Variants in LRMDA observed in about 807,000 individuals in gnomAD.
LRMDA encodes leucine rich melanocyte differentiation associated, also known as leucine-rich melanocyte differentiation-associated protein.
Under a neutral mutation model 29.8 loss-of-function variants are expected in LRMDA, and 18 were observed. That is an observed-to-expected ratio of 0.60 (90% CI 0.42 to 0.90). The LOEUF (loss-of-function observed/expected upper bound fraction) is 0.90. LRMDA is among the 40% of genes least tolerant of loss of function. The pLI is 0.00. For missense variants in LRMDA, 273 were observed against 273.9 expected, an observed-to-expected ratio of 1.00 and a Z score of 0.02; for synonymous variants, 125 against 109.4, an observed-to-expected ratio of 1.14 and a Z score of -0.89.
At chr10:75,694,753 GA>G (rs990282084) in intron 2 of LRMDA, among the ~76,000 whole-genome samples, 2 of 152,122 alleles carry the variant, frequency 1.3e-5, no homozygotes, top group Non-Finnish European at 2.9e-5. Context: ...GCTGTATATG[GA>G]GGGTAGTGAC....
rs1435511278 is a variant in LRMDA at position 76,498,700 on chromosome 10, A to G, written c.602-58509A>G. On this transcript the variant is annotated intron_variant, in intron 6 of 6. Coordinates refer to ENST00000611255, the MANE Select transcript of LRMDA (RefSeq NM_001305581.2). ...GTGCAAAAATAAAAATTGGTTGTTT[A>G]GTAAGTAGAAAGATAAATCAAAACC... Among the ~76,000 whole-genome samples, 6 of 76,562 alleles carry G rather than the reference A, an allele frequency of 7.8e-5. 3 individuals are homozygous for G. The highest frequency in any genetic ancestry group is 2.6e-4 in the Non-Finnish European group (6 of 22,938). 50.2% of individuals were successfully genotyped at this position (76,562 alleles called of 152,430 possible).
Position 75,677,065 on chromosome 10 carries a change from A to G in LRMDA, c.131+238571A>G, listed in dbSNP as rs527928686. ...CTCAGATTTATGAGGAACACCAAAA[A>G]AAGTGCTATCTCTGGACTGCATTGC... On this transcript the variant is annotated intron_variant, in intron 2 of 6. Coordinates refer to ENST00000611255, the MANE Select transcript of LRMDA (RefSeq NM_001305581.2). Among the ~76,000 whole-genome samples, 5 of 152,364 alleles carry G rather than the reference A, an allele frequency of 3.3e-5. No homozygotes were observed. The South Asian group carries it at 1.0e-3, about 32-fold the overall frequency.
chr10:76,070,257 G>GA (rs1317631719), intron 5 of LRMDA, among the ~76,000 whole-genome samples: 6 of 152,208 alleles, frequency 3.9e-5, no homozygotes, highest in Admixed American at 2.6e-4. Flanking sequence ...TTTGGCTTGA[G>GA]ATGCTGGGGG....
intron 6 of LRMDA, among the ~76,000 whole-genome samples, chr10:76,423,676 A>G (rs1186834810): frequency 6.6e-6 from 1 of 152,196 alleles, no homozygotes; most frequent in African/African-American, 2.4e-5. Context: ...AGCTGCTGCT[A>G]TTGCTGCTGT....
intron 2 of LRMDA, among the ~76,000 whole-genome samples, chr10:75,618,680 C>T (rs1312574046): frequency 6.7e-6 from 1 of 149,428 alleles, no homozygotes; most frequent in Non-Finnish European, 1.5e-5. Context: ...AGTAGATTAA[C>T]ATATATTTTG....
At chr10:75,858,130 G>A (rs1051428106) in intron 2 of LRMDA, among the ~76,000 whole-genome samples, 1 of 152,132 alleles carries the variant, frequency 6.6e-6, no homozygotes, top group Admixed American at 6.5e-5. Flanking sequence ...GCCTAGGTGG[G>A]GCACAGATTC....
At chr10:75,984,162 T>G (rs1296893732) in intron 2 of LRMDA, among the ~76,000 whole-genome samples, 1 of 152,202 alleles carries the variant, frequency 6.6e-6, no homozygotes, top group Non-Finnish European at 1.5e-5. Flanking sequence ...CCTGGGTTCT[T>G]GCTGAGCTAA....
intron 6 of LRMDA, among the ~76,000 whole-genome samples, chr10:76,446,059 C>T (rs772232701): frequency 6.6e-6 from 1 of 152,060 alleles, no homozygotes; most frequent in African/African-American, 2.4e-5. Flanking sequence ...CCTTTTATTG[C>T]GTAGATCTGT....
chr10:75,894,773 A>G (rs1845555539), intron 2 of LRMDA, among the ~76,000 whole-genome samples: 1 of 152,196 alleles, frequency 6.6e-6, no homozygotes, highest in African/African-American at 2.4e-5. Context: ...AGAAGATCTA[A>G]GCGTTTCAGA....
At chr10:75,699,135 A>T (rs555613829) in intron 2 of LRMDA, among the ~76,000 whole-genome samples, 3 of 151,198 alleles carry the variant, frequency 2.0e-5, no homozygotes, top group Non-Finnish European at 2.9e-5. Context: ...TGAGAGGCAG[A>T]GGTTGCAATG....
intron 5 of LRMDA, among the ~76,000 whole-genome samples, chr10:76,134,018 C>A (rs1850047879): frequency 6.6e-6 from 1 of 152,194 alleles, no homozygotes; most frequent in Admixed American, 6.5e-5. Flanking sequence ...TCACCTCCCC[C>A]ACCCCCAACA....
At chr10:75,733,681 A>G (rs1456325279) in intron 2 of LRMDA, among the ~76,000 whole-genome samples, 2 of 152,198 alleles carry the variant, frequency 1.3e-5, no homozygotes, top group African/African-American at 4.8e-5. Context: ...CATTGCTGGA[A>G]GGGAAAGGAA....
chr10:75,709,607 T>C (rs1842412635), intron 2 of LRMDA, among the ~76,000 whole-genome samples: 1 of 152,132 alleles, frequency 6.6e-6, no homozygotes, highest in Non-Finnish European at 1.5e-5. Flanking sequence ...GCAGAAGTCA[T>C]GATATTTGGG....
chr10:75,461,561 C>T (rs1486578493), intron 2 of LRMDA, among the ~76,000 whole-genome samples: 1 of 152,152 alleles, frequency 6.6e-6, no homozygotes, highest in Non-Finnish European at 1.5e-5. Context: ...ATTCTTCCTC[C>T]ATCTCTCCTA....
chr10:75,765,842 T>G (rs996487620), intron 2 of LRMDA, among the ~76,000 whole-genome samples: 1 of 145,950 alleles, frequency 6.9e-6, no homozygotes, highest in Non-Finnish European at 1.5e-5. Flanking sequence ...GGGTGCCCAC[T>G]GTGTGTCATG....
rs1011760609 is a variant in LRMDA, at chr10:76,559,156, A to G, written c.*1868A>G. 2 of 152,206 alleles carry G rather than the reference A, an allele frequency of 1.3e-5. No homozygotes were observed. Among genetic ancestry groups the G allele is most frequent in the Non-Finnish European group, 2.9e-5 (2 of 68,044 alleles). 9.4% of individuals were successfully genotyped at this position (152,206 alleles called of 1,614,324 possible). On this transcript the variant is annotated 3_prime_UTR_variant, in exon 7 of 7. Coordinates refer to ENST00000611255, the MANE Select transcript of LRMDA (RefSeq NM_001305581.2). ...TGTCATATCCAATCTAGCCACACATATATCCTTGTCTTTATAAAAGGCTTT... is the reference window on the plus strand; with the variant it reads ...TGTCATATCCAATCTAGCCACACATGTATCCTTGTCTTTATAAAAGGCTTT...
At chr10:76,475,485 A>G (rs1842659120) in intron 6 of LRMDA, among the ~76,000 whole-genome samples, 2 of 152,116 alleles carry the variant, frequency 1.3e-5, no homozygotes, top group Non-Finnish European at 2.9e-5. Context: ...CATTGGACAG[A>G]TCAATGAGAC....
intron 2 of LRMDA, among the ~76,000 whole-genome samples, chr10:75,744,973 C>A (rs1269225606): frequency 6.6e-6 from 1 of 152,194 alleles, no homozygotes; most frequent in Admixed American, 6.5e-5. Flanking sequence ...ACAGGCAAGT[C>A]TCTCTCCCAT....
At chr10:76,430,462 T>C (rs1421896579) in intron 6 of LRMDA, among the ~76,000 whole-genome samples, 1 of 152,196 alleles carries the variant, frequency 6.6e-6, no homozygotes, top group African/African-American at 2.4e-5. Flanking sequence ...AAGGAGCTGA[T>C]GGTATCACTT....
Sources: allele counts gnomAD v4.1 joint callset (sites outside exome capture counted in the v4.1 genomes callset), GRCh38; gene constraint gnomAD v4.1.1; transcripts MANE v1.5; gene names NCBI Gene and HGNC (gene_info 2026-07-23, HGNC 2026-07-21).